Variants in RFX3 observed in about 807,000 individuals in gnomAD.
The protein encoded by RFX3 is regulatory factor X3.
RFX3 carries 14 observed loss-of-function variants against 98.6 expected under a neutral mutation model. The ratio of observed to expected loss-of-function variants is 0.14; its 90% CI spans 0.09 to 0.22. The LOEUF (loss-of-function observed/expected upper bound fraction) is 0.22. Ranked by LOEUF, RFX3 falls within the 10% of genes least tolerant of loss-of-function variation. The pLI, the probability that RFX3 is intolerant of heterozygous loss-of-function variation, is 1.00. For synonymous variants in RFX3, 383 were observed against 328.4 expected, an observed-to-expected ratio of 1.17 and a Z score of -1.80; for missense variants, 639 against 926.9, an observed-to-expected ratio of 0.69 and a Z score of 4.03.
At chr9:3,334,424 T>C (rs1832934569) in intron 3 of RFX3, among the ~76,000 whole-genome samples, 1 of 152,226 alleles carries the variant, frequency 6.6e-6, no homozygotes, top group Admixed American at 6.5e-5. Context: ...AAGGGATCAC[T>C]GCAGCTTTTG....
intron 7 of RFX3, among the ~76,000 whole-genome samples, chr9:3,284,834 T>C (rs1426459582): frequency 6.6e-6 from 1 of 151,706 alleles, no homozygotes; most frequent in Non-Finnish European, 1.5e-5. Context: ...TAACTGAAAC[T>C]GCAGGCTCTA....
intron 6 of RFX3, among the ~76,000 whole-genome samples, chr9:3,289,020 T>G (rs938625161): frequency 1.3e-5 from 2 of 152,076 alleles, no homozygotes; most frequent in Non-Finnish European, 2.9e-5. Context: ...ATGTTTGCTA[T>G]TAGAAATGAC....
chr9:3,518,757 A>G (rs1241982964), intron 1 of RFX3, among the ~76,000 whole-genome samples: 2 of 152,184 alleles, frequency 1.3e-5, no homozygotes, highest in African/African-American at 2.4e-5. Flanking sequence ...CACAGGTGAT[A>G]TATTTCCTCT....
intron 1 of RFX3, among the ~76,000 whole-genome samples, chr9:3,455,571 T>C (rs1847077889): frequency 6.6e-6 from 1 of 152,192 alleles, no homozygotes; most frequent in Non-Finnish European, 1.5e-5. Context: ...CTGTTTTTAG[T>C]CACTATTATA....
At chr9:3,416,190 A>T (rs1256632002) in intron 1 of RFX3, among the ~76,000 whole-genome samples, 1 of 152,206 alleles carries the variant, frequency 6.6e-6, no homozygotes, top group African/African-American at 2.4e-5. Flanking sequence ...TATAAATACT[A>T]TCCCAGTTAA....
chr9:3,422,300 AC>A (rs1376232695), intron 1 of RFX3, among the ~76,000 whole-genome samples: 6 of 152,146 alleles, frequency 3.9e-5, no homozygotes, highest in Non-Finnish European at 5.9e-5. Flanking sequence ...TCCCAAACTG[AC>A]CCTGAAACAA....
chr9:3,410,097 G>C lies in RFX3; in HGVS notation c.-8-14501C>G, dbSNP rs1842324572. Reference sequence around the variant, plus strand: ...AAGAGCTTCTCTTAGACGTTTCCAAGTCTCTTTCTCACATGAGTAAGGCTC... The same window carrying C: ...AAGAGCTTCTCTTAGACGTTTCCAACTCTCTTTCTCACATGAGTAAGGCTC... On this transcript the variant is annotated intron_variant, in intron 1 of 16. Transcript: ENST00000617270. Among the ~76,000 whole-genome samples, 3 of 150,010 alleles carry C rather than the reference G, an allele frequency of 2.0e-5. No individual in the cohort carries two copies. In the South Asian group the frequency reaches 6.3e-4, roughly 32 times the overall value.
intron 4 of RFX3, among the ~76,000 whole-genome samples, chr9:3,307,215 G>A (rs1829431389): frequency 6.6e-6 from 1 of 152,052 alleles, no homozygotes; most frequent in Admixed American, 6.6e-5. Context: ...TCTCGTGTAT[G>A]TCTTTTTCAG....
intron 2 of RFX3, among the ~76,000 whole-genome samples, chr9:3,381,157 A>T (rs928176263): frequency 2.0e-4 from 30 of 152,192 alleles, no homozygotes; most frequent in Non-Finnish European, 3.8e-4. Flanking sequence ...CATAGGCAAC[A>T]AACCCTCAAA....
chr9:3,505,312 A>T (rs1468010196), intron 1 of RFX3, among the ~76,000 whole-genome samples: 2 of 78,246 alleles, frequency 2.6e-5, no homozygotes, highest in Non-Finnish European at 3.9e-5. Context: ...ATATAAATAT[A>T]TATTAATGTA....
chr9:3,372,286 A>T (rs1455266047), intron 2 of RFX3, among the ~76,000 whole-genome samples: 1 of 152,214 alleles, frequency 6.6e-6, no homozygotes, highest in Non-Finnish European at 1.5e-5. Context: ...GAGATGTGGG[A>T]TAATACTGGC....
intron 1 of RFX3, among the ~76,000 whole-genome samples, chr9:3,436,832 A>C (rs546927910): frequency 6.6e-6 from 1 of 152,172 alleles, no homozygotes; most frequent in South Asian, 2.1e-4. Context: ...AGGGAAGGAG[A>C]TGTGACAAGC....
chr9:3,488,731 G>T, intron 1 of RFX3: 1 of 971,472 alleles, frequency 1.0e-6, no homozygotes, highest in Non-Finnish European at 1.2e-6. Context: ...TAAAATTGTA[G>T]AAAATGCATA....
intron 2 of RFX3, among the ~76,000 whole-genome samples, chr9:3,390,678 G>C (rs550749929): frequency 3.3e-5 from 5 of 152,206 alleles, no homozygotes; most frequent in Middle Eastern, 3.4e-3. Flanking sequence ...TATGAGATCT[G>C]ATGGTTTTAA....
chr9:3,403,216 C>T (rs1250347430), intron 1 of RFX3, among the ~76,000 whole-genome samples: 2 of 152,086 alleles, frequency 1.3e-5, no homozygotes, highest in African/African-American at 4.8e-5. Context: ...AAACTGTTGT[C>T]AAACACCAAC....
At chr9:3,321,565 TG>T (rs1831324490) in intron 4 of RFX3, among the ~76,000 whole-genome samples, 1 of 152,234 alleles carries the variant, frequency 6.6e-6, no homozygotes. Context: ...TTTTTTCTGA[TG>T]AATTTGTAAG....
chr9:3,405,509 T>C, intron 1 of RFX3, among the ~76,000 whole-genome samples: 1 of 152,190 alleles, frequency 6.6e-6, no homozygotes, highest in East Asian at 1.9e-4. Flanking sequence ...TATTAAACTT[T>C]CTGCCAATAA....
chr9:3,410,211 C>T (rs868216802), intron 1 of RFX3, among the ~76,000 whole-genome samples: 65 of 25,988 alleles, frequency 2.5e-3, no homozygotes, highest in South Asian at 7.8e-3. Flanking sequence ...GTGTGTGTGG[C>T]GCTATCAACT....
intron 2 of RFX3, among the ~76,000 whole-genome samples, chr9:3,367,487 C>A (rs769264972): frequency 1.3e-5 from 2 of 152,104 alleles, no homozygotes; most frequent in Non-Finnish European, 2.9e-5. Flanking sequence ...AATCAAGCAC[C>A]CCCAGACTTA....
Sources: gnomAD v4.1 joint callset for allele counts (sites outside exome capture counted in the v4.1 genomes callset) on GRCh38, gnomAD v4.1.1 for gene constraint, MANE v1.5 for transcripts, NCBI Gene and HGNC (gene_info 2026-07-23, HGNC 2026-07-21) for gene names.